OSBPL10: variants seen among roughly 807,000 people sequenced by gnomAD.
OSBPL10 encodes the protein oxysterol binding protein like 10, also known as oxysterol-binding protein-related protein 10.
A neutral mutation model predicts 81.7 loss-of-function variants in OSBPL10; 49 were observed. That is an observed-to-expected ratio of 0.60 (90% CI 0.48 to 0.76). The LOEUF is 0.76. OSBPL10 is among the 30% of genes least tolerant of loss of function. The pLI is 0.00. For synonymous variants in OSBPL10, 419 were observed against 383.6 expected, an observed-to-expected ratio of 1.09 and a Z score of -1.08; for missense variants, 923 against 987.8, an observed-to-expected ratio of 0.93 and a Z score of 0.88.
chr3:31,841,294 G>C (rs921121049), intron 3 of OSBPL10, among the ~76,000 whole-genome samples: 1 of 152,360 alleles, frequency 6.6e-6, no homozygotes, highest in Non-Finnish European at 1.5e-5. Flanking sequence ...TGAGTAAACA[G>C]AGCCAACAAG....
chr3:32,009,817 A>G (rs566362474), intron 2 of OSBPL10, among the ~76,000 whole-genome samples: 2 of 152,288 alleles, frequency 1.3e-5, no homozygotes, highest in African/African-American at 4.8e-5. Context: ...CTCACATTCT[A>G]TAATTCTGGG....
intron 11 of OSBPL10, chr3:31,663,795 C>T (rs1575459987): frequency 1.5e-6 from 2 of 1,341,970 alleles, no homozygotes; most frequent in South Asian, 1.6e-5. Flanking sequence ...GCAGTCCCAT[C>T]GCGATCCCTC....
chr3:31,923,439 T>A (rs1391275474), intron 1 of OSBPL10, among the ~76,000 whole-genome samples: 1 of 152,186 alleles, frequency 6.6e-6, no homozygotes, highest in Admixed American at 6.5e-5. Context: ...AATAAATGCA[T>A]CAGACCAACC....
chr3:31,939,895 G>C (rs1406157795), intron 1 of OSBPL10, among the ~76,000 whole-genome samples: 1 of 151,948 alleles, frequency 6.6e-6, no homozygotes, highest in African/African-American at 2.4e-5. Context: ...TACCACACCT[G>C]GCTAATAGAG....
intron 4 of OSBPL10, among the ~76,000 whole-genome samples, chr3:31,800,096 G>A (rs1028254585): frequency 6.6e-5 from 10 of 152,148 alleles, no homozygotes; most frequent in Admixed American, 5.2e-4. Flanking sequence ...GGAAGTTTTG[G>A]GCAGAAAATG....
rs75890451 is a variant in OSBPL10 at position 31,846,760 on chromosome 3, C to A, written c.538-16529G>T. On this transcript the variant is annotated intron_variant, in intron 3 of 11. Transcript: ENST00000396556. ...TTTGGGCAAATCCAAAGGTCTTATCCCAAATGCCCCTCTCTTTCTCTGCAG... is the reference window on the plus strand; with the variant it reads ...TTTGGGCAAATCCAAAGGTCTTATCACAAATGCCCCTCTCTTTCTCTGCAG... Among the ~76,000 whole-genome samples, 295 of 129,634 alleles carry A rather than the reference C, an allele frequency of 2.3e-3. 9 individuals carry two copies. In the East Asian group the frequency reaches 0.044, roughly 19 times the overall value. The allele number at this position is 129,634 out of a possible 152,430, so 85.0% of individuals were successfully genotyped here.
At chr3:31,934,056 T>C (rs1448964602) in intron 1 of OSBPL10, among the ~76,000 whole-genome samples, 1 of 142,954 alleles carries the variant, frequency 7.0e-6, no homozygotes, top group Non-Finnish European at 1.5e-5. Flanking sequence ...ATGAATAGGC[T>C]AATGAAAACC....
At chr3:31,842,175 GAC>G (rs146338789) in intron 3 of OSBPL10, among the ~76,000 whole-genome samples, 1 of 152,134 alleles carries the variant, frequency 6.6e-6, no homozygotes, top group Non-Finnish European at 1.5e-5. Flanking sequence ...AAGTTAAAAT[GAC>G]ACACACACTT....
At chr3:31,976,156 A>G (rs1355385467) in intron 1 of OSBPL10, among the ~76,000 whole-genome samples, 2 of 152,206 alleles carry the variant, frequency 1.3e-5, no homozygotes, top group African/African-American at 4.8e-5. Context: ...AGCACTCAGA[A>G]TAAAAACCAA....
chr3:31,760,146 G>A lies in OSBPL10; in HGVS notation c.730-12026C>T, dbSNP rs1280801509. On this transcript the variant is annotated intron_variant, in intron 4 of 11. Coordinates refer to ENST00000396556, the MANE Select transcript of OSBPL10 (RefSeq NM_017784.5). ...GAAGTGAATCACCATGAAGGTCTTC[G>A]TCCTTTTCTTCACATTGAGTAGGCT... is the stretch of plus-strand genomic sequence containing the variant. Among the ~76,000 whole-genome samples the A allele has an allele frequency of 7.9e-5, 12 of 152,186 alleles. No individual in the cohort carries two copies. The South Asian group carries it at 8.3e-4, about 11-fold the overall frequency.
At chr3:31,739,773 A>T (rs1246890126) in intron 5 of OSBPL10, among the ~76,000 whole-genome samples, 1 of 152,198 alleles carries the variant, frequency 6.6e-6, no homozygotes, top group East Asian at 1.9e-4. Flanking sequence ...TCTTTAAGCC[A>T]CCCAGTCTAC....
chr3:32,008,582 A>C (rs575322136), intron 2 of OSBPL10, among the ~76,000 whole-genome samples: 69 of 144,012 alleles, frequency 4.8e-4, no homozygotes, highest in Non-Finnish European at 8.3e-4. Flanking sequence ...AAAAAAAGAC[A>C]AAAAAAAACC....
chr3:31,703,347 A>T (rs1695958239), intron 6 of OSBPL10, among the ~76,000 whole-genome samples: 1 of 152,202 alleles, frequency 6.6e-6, no homozygotes, highest in Non-Finnish European at 1.5e-5. Flanking sequence ...TGTTCTTATG[A>T]TGCTTGCTTA....
Position 31,968,511 on chromosome 3 carries a change from G to GA in OSBPL10, c.281+12387dup, listed in dbSNP as rs10712976. On this transcript the variant is annotated intron_variant, in intron 1 of 11. Transcript: ENST00000396556. Reference sequence around the variant, plus strand: ...CATGCTTTGCTTCTATTTTGAAGGGGAAAAAAAAAAAAAAAACACTTTACC... The same window carrying GA: ...CATGCTTTGCTTCTATTTTGAAGGGGAAAAAAAAAAAAAAAAACACTTTACC... Among the ~76,000 whole-genome samples the GA allele has an allele frequency of 6.4e-3, 839 of 130,494 alleles. 3 individuals are homozygous for GA. The highest frequency in any genetic ancestry group is 7.5e-3 in the Non-Finnish European group (436 of 57,920). 85.6% of individuals were successfully genotyped at this position (130,494 alleles called of 152,430 possible).
intron 4 of OSBPL10, among the ~76,000 whole-genome samples, chr3:31,799,057 A>G (rs1434963608): frequency 6.6e-6 from 1 of 152,208 alleles, no homozygotes; most frequent in Non-Finnish European, 1.5e-5. Context: ...TCCATGGGTT[A>G]GTACAGGTCC....
At chr3:32,011,190 C>A (rs537398373) in intron 2 of OSBPL10, among the ~76,000 whole-genome samples, 3 of 152,360 alleles carry the variant, frequency 2.0e-5, no homozygotes, top group Admixed American at 6.5e-5. Flanking sequence ...GAGGCACCCC[C>A]CAGTAGGGGC....
chr3:31,902,649 A>G (rs1240928076), intron 1 of OSBPL10, among the ~76,000 whole-genome samples: 1 of 147,888 alleles, frequency 6.8e-6, no homozygotes, highest in Non-Finnish European at 1.5e-5. Flanking sequence ...TGCAAGCTCC[A>G]CCTCCCAGGT....
chr3:31,681,862 C>T (rs1414450653), intron 8 of OSBPL10, among the ~76,000 whole-genome samples: 1 of 152,156 alleles, frequency 6.6e-6, no homozygotes, highest in Non-Finnish European at 1.5e-5. Context: ...CTTGCATACA[C>T]AATTGCCTAC....
chr3:31,927,304 AG>A, intron 1 of OSBPL10, among the ~76,000 whole-genome samples: 1 of 152,368 alleles, frequency 6.6e-6, no homozygotes, highest in East Asian at 1.9e-4. Context: ...GAATATTTGG[AG>A]GTTATTTTCA....
Sources: allele counts gnomAD v4.1 joint callset (sites outside exome capture counted in the v4.1 genomes callset), GRCh38; gene constraint gnomAD v4.1.1; transcripts MANE v1.5; gene names NCBI Gene and HGNC (gene_info 2026-07-23, HGNC 2026-07-21).